Variants in ATP2C1 observed in about 807,000 individuals in gnomAD.
ATP2C1 encodes the protein calcium-transporting ATPase type 2C member 1.
In ATP2C1, 31 loss-of-function variants were observed where a neutral mutation model predicts 120.5. The ratio of observed to expected loss-of-function variants is 0.26; its 90% CI spans 0.19 to 0.35. ATP2C1 has a LOEUF of 0.35. Among genes scored for constraint, ATP2C1 ranks in the 10% least tolerant of loss-of-function variants. The pLI is 1.00. For missense variants in ATP2C1, 731 were observed against 1,107.5 expected (o/e 0.66, Z 4.83); for synonymous variants, 351 against 358.7 (o/e 0.98, Z 0.24).
chr3:130,995,307 C>G (rs2062559275), intron 22 of ATP2C1, among the ~76,000 whole-genome samples: 1 of 151,576 alleles, frequency 6.6e-6, no homozygotes, highest in Non-Finnish European at 1.5e-5. Context: ...CTCAGCTACT[C>G]TAGAGGCTGA....
At chr3:130,940,134 A>G (rs2059830761) in intron 6 of ATP2C1, among the ~76,000 whole-genome samples, 1 of 152,222 alleles carries the variant, frequency 6.6e-6, no homozygotes, top group East Asian at 1.9e-4. Flanking sequence ...GTCTGTCAGT[A>G]TAGAGCCAGC....
At chr3:130,986,491 T>C (rs964442881) in intron 20 of ATP2C1, among the ~76,000 whole-genome samples, 2 of 152,216 alleles carry the variant, frequency 1.3e-5, no homozygotes, top group African/African-American at 4.8e-5. Context: ...AATTACAAAT[T>C]ACATCATCAG....
chr3:130,964,193 C>T (rs921785505), intron 13 of ATP2C1, 98 bp downstream of exon 13: 1 of 1,548,412 alleles, frequency 6.5e-7, no homozygotes, highest in African/African-American at 1.4e-5. Flanking sequence ...TAGAGATTTG[C>T]ATAATGATGT....
intron 1 of ATP2C1, among the ~76,000 whole-genome samples, chr3:130,857,369 A>T (rs1197244509): frequency 6.6e-6 from 1 of 152,142 alleles, no homozygotes; most frequent in Non-Finnish European, 1.5e-5. Flanking sequence ...CACCATCCTG[A>T]TATTTAGGCA....
chr3:130,891,779 A>G (rs2069176811), upstream of ATP2C1, among the ~76,000 whole-genome samples: 1 of 152,202 alleles, frequency 6.6e-6, no homozygotes, highest in African/African-American at 2.4e-5. Flanking sequence ...ATGTGGGTGT[A>G]TGAATATACA....
In ATP2C1 at chr3:130,930,533, G is replaced by A. The variant is rs41266501; in HGVS notation, c.117+7G>A. The stretch of plus-strand genomic sequence containing the variant: ...AGTTGCAAGCATTCTCCAAGTAAGT[G>A]GTTAGTGGGGAGGAAGGGACTAGAT... On this transcript the variant is annotated splice_region_variant and intron_variant, in intron 3 of 27. Coordinates refer to ENST00000510168, the MANE Select transcript of ATP2C1 (RefSeq NM_001378687.1). The A allele has an allele frequency of 4.3e-3, 6,720 of 1,560,120 alleles. 28 individuals carry two copies. The highest frequency in any genetic ancestry group is 5.3e-3 in the Admixed American group (316 of 59,920).
intron 20 of ATP2C1, among the ~76,000 whole-genome samples, chr3:130,984,989 G>A (rs1356868006): frequency 6.6e-6 from 1 of 152,180 alleles, no homozygotes; most frequent in African/African-American, 2.4e-5. Context: ...TAAGGGAAAT[G>A]CATAAACACC....
intron 1 of ATP2C1, among the ~76,000 whole-genome samples, chr3:130,878,135 T>C (rs1295127527): frequency 1.0e-5 from 1 of 96,700 alleles, no homozygotes; most frequent in Non-Finnish European, 1.9e-5. Flanking sequence ...CTGGGGCCTG[T>C]CGTGGGGTGG....
At chr3:130,917,883 G>T (rs2058754673) in intron 2 of ATP2C1, among the ~76,000 whole-genome samples, 1 of 151,798 alleles carries the variant, frequency 6.6e-6, no homozygotes, top group African/African-American at 2.4e-5. Flanking sequence ...AGATAGTGGA[G>T]TTATGCAGTC....
intron 2 of ATP2C1, chr3:130,918,269 G>C: frequency 6.5e-7 from 1 of 1,540,602 alleles, no homozygotes; most frequent in Non-Finnish European, 9.0e-7. Flanking sequence ...AAATCCCTTG[G>C]GCCCAAAGTT....
At chr3:130,965,149 A>G in intron 14 of ATP2C1, 104 bp downstream of exon 14, 1 of 764,470 alleles carries the variant, frequency 1.3e-6, no homozygotes, top group East Asian at 2.6e-5. Flanking sequence ...AAAGGGCTGT[A>G]AATTAGTAGT....
intron 12 of ATP2C1, chr3:130,963,647 T>C (rs2060926478): frequency 3.3e-6 from 1 of 305,982 alleles, no homozygotes; most frequent in African/African-American, 2.2e-5. Flanking sequence ...TTTGTAGTTA[T>C]CTGTATTTTA....
chr3:130,888,087 C>T lies in ATP2C1; in HGVS notation c.108+37159C>T, dbSNP rs139993887. ...GTGTGGATCCTTCCCTTCGAGGCAG[C>T]GGTTTACCTTTTGGCCCATGGTGTG... On this transcript the variant is annotated intron_variant, in intron 1 of 26. Transcript: ENST00000504381. Among the ~76,000 whole-genome samples the T allele has an allele frequency of 3.4e-3, 512 of 152,252 alleles. 3 individuals carry two copies. The highest frequency in any genetic ancestry group is 5.4e-3 in the Non-Finnish European group (365 of 68,020).
intron 17 of ATP2C1, among the ~76,000 whole-genome samples, chr3:130,974,790 A>G (rs2061472110): frequency 6.6e-6 from 1 of 152,224 alleles, no homozygotes; most frequent in Admixed American, 6.5e-5. Flanking sequence ...AAAACAGCTA[A>G]GAGAGTTAAA....
At chr3:131,006,752 T>C (rs2063134629), downstream of ATP2C1, among the ~76,000 whole-genome samples, 1 of 150,850 alleles carries the variant, frequency 6.6e-6, no homozygotes, top group Admixed American at 6.6e-5. Context: ...AGCCTGGACA[T>C]CCTGGGCTCA....
rs557478620 is a variant in ATP2C1 at position 130,867,903 on chromosome 3, C to G, written c.108+16975C>G. The G allele has an allele frequency of 1.8e-4, 40 of 217,160 alleles. No individual in the cohort carries two copies. The South Asian group carries it at 2.1e-3, about 11-fold the overall frequency. 13.5% of individuals were successfully genotyped at this position (217,160 alleles called of 1,614,324 possible). ...GAAGTGAGGAGCGTCTCTGCCCGGC[C>G]GCCCATCGTCTGAGATGTGGGGAGC... On this transcript the variant is annotated intron_variant, in intron 1 of 26. Coordinates refer to the ATP2C1 transcript ENST00000504381.
chr3:130,880,550 C>CT (rs1281632730), intron 1 of ATP2C1, among the ~76,000 whole-genome samples: 1 of 152,202 alleles, frequency 6.6e-6, no homozygotes, highest in African/African-American at 2.4e-5. Flanking sequence ...TCCACCTGAT[C>CT]TTTGATTGTA....
rs1421383777 is a variant in ATP2C1 at position 131,002,867 on chromosome 3, T to G, written c.*1517T>G. The G allele has an allele frequency of 3.0e-6, 3 of 985,754 alleles. No individual in the cohort carries two copies. The African/African-American group carries it at 5.2e-5, about 17-fold the overall frequency. The allele number at this position is 985,754 out of a possible 1,614,324, so 61.1% of individuals were successfully genotyped here. On this transcript the variant is annotated 3_prime_UTR_variant, in exon 28 of 28. Transcript: ENST00000510168. ...GTAAGGAGCTGGCTGCAGTTTATTCTACTTAACCCTTTAAGGCTGAATTGT... is the reference window on the plus strand; with the variant it reads ...GTAAGGAGCTGGCTGCAGTTTATTCGACTTAACCCTTTAAGGCTGAATTGT...
chr3:130,894,164 C>CCCCCAAAACCCCCCCAACAA lies in ATP2C1; in HGVS notation c.-352_-351insCCAAAACCCCCCCAACAACC. ...TCCTCTTCTCTCCCCTCCCCGCCCG[C>CCCCCAAAACCCCCCCAACAA]CCTCTCTCCCTCCCTTCCTCCCTCC... On this transcript the variant is annotated 5_prime_UTR_variant, in exon 1 of 28. Coordinates refer to ENST00000510168, the MANE Select transcript of ATP2C1 (RefSeq NM_001378687.1). The surrounding 1 kb of genome is among the most constrained non-coding windows in gnomAD (Gnocchi z 4.5). 1.2e-6 allele frequency: 1 copy of CCCCCAAAACCCCCCCAACAA among 800,536 alleles called. No homozygotes were observed. Among genetic ancestry groups the CCCCCAAAACCCCCCCAACAA allele is most frequent in the Non-Finnish European group, 1.5e-6 (1 of 661,226 alleles). The allele number at this position is 800,536 out of a possible 1,614,324, so 49.6% of individuals were successfully genotyped here.
Sources: gnomAD v4.1 joint callset for allele counts (sites outside exome capture counted in the v4.1 genomes callset) on GRCh38, gnomAD v4.1.1 for gene constraint, Gnocchi (gnomAD v3.1) non-coding constraint, MANE v1.5 for transcripts, NCBI Gene and HGNC (gene_info 2026-07-23, HGNC 2026-07-21) for gene names.